The following ESR1 variants were observed in gnomAD, a reference collection of about 807,000 sequenced individuals.
ESR1 encodes estrogen receptor.
ESR1 carries 12 observed loss-of-function variants against 52.7 expected under a neutral mutation model. The observed-to-expected ratio is 0.23, with a 90% CI of 0.15 to 0.37. The LOEUF (loss-of-function observed/expected upper bound fraction) is 0.37, where lower values mean the gene tolerates loss of function less well. ESR1 is among the 10% of genes least tolerant of loss of function. The pLI is 1.00. For synonymous variants in ESR1, 305 were observed against 316.8 expected (o/e 0.96, Z 0.39); for missense variants, 584 against 779.7 (o/e 0.75, Z 2.99).
At chr6:151,893,527 C>T (rs555637517) in intron 3 of ESR1, among the ~76,000 whole-genome samples, 145 of 151,408 alleles carry the variant, frequency 9.6e-4, no homozygotes, top group African/African-American at 2.6e-3. Flanking sequence ...TATTTTTAAA[C>T]GCTTGCTTTA....
intron 2 of ESR1, among the ~76,000 whole-genome samples, chr6:151,761,098 A>G (rs1449685222): frequency 6.6e-6 from 1 of 151,838 alleles, no homozygotes; most frequent in Non-Finnish European, 1.5e-5. Flanking sequence ...GTATGCAAAC[A>G]TTTCTTAATA....
Position 151,991,255 on chromosome 6 carries a change from A to G in ESR1, c.1097-20401A>G, listed in dbSNP as rs561839683. Among the ~76,000 whole-genome samples the G allele has an allele frequency of 3.3e-5, 5 of 152,310 alleles. No individual in the cohort carries two copies. The East Asian group carries it at 9.6e-4, about 29-fold the overall frequency. On this transcript the variant is annotated intron_variant, in intron 4 of 7. Transcript: ENST00000206249. ...AGGTTTGGAGATCTTGAATAGCCTC[A>G]TGTTCCTGAACTTCTTTACCATACA... is the stretch of plus-strand genomic sequence containing the variant.
chr6:151,956,861 T>TATATATATAA (rs1228735143), intron 4 of ESR1, among the ~76,000 whole-genome samples: 1 of 82,758 alleles, frequency 1.2e-5, no homozygotes, highest in African/African-American at 3.2e-5. Context: ...TATATATATA[T>TATATATATAA]AAATATATAT....
chr6:152,127,676 C>A (rs11757691), exon 7 of ESR1: 24,184 of 152,008 alleles, frequency 0.16, 1,960 homozygotes, highest in Non-Finnish European at 0.18. Flanking sequence ...TTCCTTGGGG[C>A]ACGGGTGAGC....
intron 1 of ESR1, among the ~76,000 whole-genome samples, chr6:151,821,512 T>A (rs9340784): frequency 0.048 from 7,351 of 152,296 alleles, 605 homozygotes; most frequent in African/African-American, 0.17. Context: ...AAGATTCCCT[T>A]GTTTTTCTTC....
intron 2 of ESR1, among the ~76,000 whole-genome samples, chr6:151,799,390 G>C (rs1777013663): frequency 6.6e-6 from 1 of 152,186 alleles, no homozygotes; most frequent in African/African-American, 2.4e-5. Flanking sequence ...ATATGAATCT[G>C]CTCCCCAATT....
At chr6:151,727,951 A>T (rs1033302756) in intron 2 of ESR1, among the ~76,000 whole-genome samples, 2 of 152,200 alleles carry the variant, frequency 1.3e-5, no homozygotes, top group Non-Finnish European at 2.9e-5. Context: ...TTTATAAATT[A>T]CCCAGTCTCA....
chr6:151,827,894 A>T (rs746335132), intron 1 of ESR1, among the ~76,000 whole-genome samples: 1 of 152,228 alleles, frequency 6.6e-6, no homozygotes, highest in East Asian at 1.9e-4. Context: ...ATCTGGCTTC[A>T]TGAGTTTTAA....
upstream of ESR1, chr6:151,804,523 A>C (rs959080234): frequency 6.7e-6 from 1 of 149,400 alleles, no homozygotes; most frequent in Non-Finnish European, 1.5e-5. Context: ...ATTTATATCC[A>C]GTATTTATTT....
intron 4 of ESR1, among the ~76,000 whole-genome samples, chr6:151,960,922 G>A (rs532694151): frequency 6.6e-6 from 1 of 152,144 alleles, no homozygotes; most frequent in Non-Finnish European, 1.5e-5. Flanking sequence ...GATGGGCTGG[G>A]CGTAGTATGT....
chr6:151,801,702 A>G (rs1302440847), upstream of ESR1, among the ~76,000 whole-genome samples: 2 of 152,264 alleles, frequency 1.3e-5, no homozygotes, highest in East Asian at 3.8e-4. Flanking sequence ...AGACTTGGGT[A>G]AAACTTGATC....
At chr6:151,858,496 T>C (rs1053439550) in intron 2 of ESR1, among the ~76,000 whole-genome samples, 1 of 151,774 alleles carries the variant, frequency 6.6e-6, no homozygotes, top group Non-Finnish European at 1.5e-5. Flanking sequence ...ATACACTGAC[T>C]CATCAGCCTG....
chr6:152,060,892 A>G (rs1411644896), intron 5 of ESR1, 99 bp from the exon 6 acceptor site: 7 of 931,828 alleles, frequency 7.5e-6, no homozygotes, highest in Non-Finnish European at 8.2e-6. Context: ...ATTTAGAACC[A>G]GTGGATTTTT....
chr6:151,685,957 G>GTC (rs1778647972), upstream of ESR1, among the ~76,000 whole-genome samples: 1 of 151,988 alleles, frequency 6.6e-6, no homozygotes, highest in African/African-American at 2.4e-5. Flanking sequence ...AGGCAAAAGT[G>GTC]CAGCGGCACG....
intron 4 of ESR1, among the ~76,000 whole-genome samples, chr6:152,002,373 T>C (rs2128748086): frequency 6.6e-6 from 1 of 152,138 alleles, no homozygotes; most frequent in South Asian, 2.1e-4. Flanking sequence ...TAGTTTTTGT[T>C]TTGAAGACAT....
At chr6:151,816,613 G>A (rs1779693272) in intron 1 of ESR1, among the ~76,000 whole-genome samples, 1 of 152,156 alleles carries the variant, frequency 6.6e-6, no homozygotes, top group Admixed American at 6.5e-5. Context: ...GCCTTCAAGT[G>A]ACTAACTTTA....
At chr6:152,001,743 G>A (rs531962685) in intron 4 of ESR1, among the ~76,000 whole-genome samples, 1 of 152,116 alleles carries the variant, frequency 6.6e-6, no homozygotes, top group East Asian at 1.9e-4. Context: ...AAGGTGGGGT[G>A]GAAGACACTG....
Position 151,708,676 on chromosome 6 carries a change from ATTAT to A in ESR1, c.-71+6673_-71+6676del, listed in dbSNP as rs76703759. ...CTAATGAGCTTAAGCATCTTTTCAC[ATTAT>A]TGTTGTTCCTTTGGATTTTCTTATC... On this transcript the variant is annotated intron_variant, in intron 2 of 2. Transcript: ENST00000404742. 3.8e-4 allele frequency among the ~76,000 whole-genome samples: 58 copies of A among 151,986 alleles called. No individual in the cohort carries two copies. The East Asian group carries it at 9.9e-3, about 26-fold the overall frequency.
intron 2 of ESR1, among the ~76,000 whole-genome samples, chr6:151,754,642 G>A (rs560893190): frequency 4.3e-4 from 66 of 152,116 alleles, no homozygotes; most frequent in African/African-American, 1.4e-3. Context: ...CCCTCGACCC[G>A]GCTTCCAACA....
Sources: allele counts gnomAD v4.1 joint callset (sites outside exome capture counted in the v4.1 genomes callset), GRCh38; gene constraint gnomAD v4.1.1; transcripts MANE v1.5; gene names NCBI Gene and HGNC (gene_info 2026-07-23, HGNC 2026-07-21).